The following IL15RA variants were observed in gnomAD, a reference collection of about 807,000 sequenced individuals.
IL15RA encodes the protein interleukin-15 receptor subunit alpha.
Under a neutral mutation model 24.2 loss-of-function variants are expected in IL15RA, and 26 were observed. The observed-to-expected ratio is 1.07, with a 90% CI of 0.79 to 1.49. The LOEUF (loss-of-function observed/expected upper bound fraction) is 1.49. Ranked by LOEUF, IL15RA falls within the 40% of genes most tolerant of loss-of-function variation. IL15RA has a pLI of 0.00. For synonymous variants in IL15RA, 166 were observed against 157.6 expected (o/e 1.05, Z -0.40); for missense variants, 354 against 356.4 (o/e 0.99, Z 0.05).
In IL15RA at chr10:5,971,192, T is replaced by C. The variant is rs1454859687; in HGVS notation, c.89-4853A>G. 6.6e-6 allele frequency among the ~76,000 whole-genome samples: 1 copy of C among 152,228 alleles called. No homozygotes were observed. The highest frequency in any genetic ancestry group is 6.5e-5 in the Admixed American group (1 of 15,278). The stretch of plus-strand genomic sequence containing the variant: ...AGATGGTATGTATATTTCACAGTTC[T>C]GTGGTACTCTCACTTTCCTACGGCT... On this transcript the variant is annotated intron_variant, in intron 1 of 6. Coordinates refer to ENST00000379977, the MANE Select transcript of IL15RA (RefSeq NM_002189.4). The surrounding 1 kb of genome is among the most constrained non-coding windows in gnomAD (Gnocchi z 5.5).
rs1436619530 is a variant in IL15RA, at chr10:5,968,161, T to C, written c.89-1822A>G. Among the ~76,000 whole-genome samples the C allele has an allele frequency of 6.6e-6, 1 of 151,964 alleles. No individual in the cohort carries two copies. Among genetic ancestry groups the C allele is most frequent in the Non-Finnish European group, 1.5e-5 (1 of 68,012 alleles). ...AACCTTAGCACGGAGAGAATTCTTATAAAAATCAACACAAGACAAATACCC... is the reference window on the plus strand; with the variant it reads ...AACCTTAGCACGGAGAGAATTCTTACAAAAATCAACACAAGACAAATACCC... On this transcript the variant is annotated intron_variant, in intron 1 of 6. Transcript: ENST00000379977. This position sits in a 1 kb window ranked among gnomAD's most constrained non-coding sequence, Gnocchi z 5.4.
At position 5,963,880 on chromosome 10, in the gene IL15RA, G is replaced by A. The variant is rs759899300; in HGVS notation, c.284-39C>T. ...AACCACATGGCACTTATGATCCTGA[G>A]CCTGGAACCTGGGCTGGCTTCAGAA... On this transcript the variant is annotated intron_variant, in intron 2 of 6. Transcript: ENST00000379977. The surrounding 1 kb of genome is among the most constrained non-coding windows in gnomAD (Gnocchi z 5.3). 13 of 1,350,364 alleles carry A rather than the reference G, an allele frequency of 9.6e-6. No homozygotes were observed. Among genetic ancestry groups the A allele is most frequent in the Non-Finnish European group, 1.3e-5 (13 of 984,918 alleles). The allele number at this position is 1,350,364 out of a possible 1,614,324, so 83.6% of individuals were successfully genotyped here. A position where few individuals can be genotyped will look rare whatever the true frequency, so the allele number is the denominator to read the frequency against.
Position 5,966,399 on chromosome 10 carries a change from C to T in IL15RA, c.89-60G>A, listed in dbSNP as rs1836547011. The T allele has an allele frequency of 1.4e-6, 2 of 1,415,610 alleles. No individual in the cohort carries two copies. The highest frequency in any genetic ancestry group is 2.0e-6 in the Non-Finnish European group (2 of 1,011,164). 87.7% of individuals were successfully genotyped at this position (1,415,610 alleles called of 1,614,324 possible). On this transcript the variant is annotated intron_variant, in intron 1 of 6. Coordinates refer to ENST00000379977, the MANE Select transcript of IL15RA (RefSeq NM_002189.4). This position sits in a 1 kb window ranked among gnomAD's most constrained non-coding sequence, Gnocchi z 6.4. The stretch of plus-strand genomic sequence containing the variant: ...GGTTTCCACTTGTAAGAGGCGTTCT[C>T]CAGGCACACGCAGCGGTAGTCAGTG...
Position 5,952,946 on chromosome 10 carries a change from C to T in IL15RA, c.*149G>A, listed in dbSNP as rs1187344378. 7 of 661,590 alleles carry T rather than the reference C, an allele frequency of 1.1e-5. No individual in the cohort carries two copies. The highest frequency in any genetic ancestry group is 3.8e-5 in the South Asian group (2 of 53,206). 41.0% of individuals were successfully genotyped at this position (661,590 alleles called of 1,614,324 possible). On this transcript the variant is annotated 3_prime_UTR_variant, in exon 7 of 7. Coordinates refer to ENST00000379977, the MANE Select transcript of IL15RA (RefSeq NM_002189.4). ...CTCCCTCGCGCAGGAGGCGCCGACC[C>T]GGCAGTCCGTGAGATCCTGCTGGGA... is the stretch of plus-strand genomic sequence containing the variant.
Position 5,959,622 on chromosome 10 carries a change from G to A in IL15RA, c.616+132C>T. Reference sequence around the variant, plus strand: ...CTATTACTTAACTTATTATCTGATGGAGGCCTTCTGAGTGTGGAAGGGGCT... The same window carrying A: ...CTATTACTTAACTTATTATCTGATGAAGGCCTTCTGAGTGTGGAAGGGGCT... On this transcript the variant is annotated intron_variant, in intron 5 of 6. Transcript: ENST00000379977. The surrounding 1 kb of genome is among the most constrained non-coding windows in gnomAD (Gnocchi z 4.1). 5.4e-6 allele frequency: 4 copies of A among 747,032 alleles called. No homozygotes were observed. In the South Asian group the frequency reaches 5.9e-5, roughly 11 times the overall value. 46.3% of individuals were successfully genotyped at this position (747,032 alleles called of 1,614,324 possible).
chr10:5,954,284 T>C (rs1834212893), intron 6 of IL15RA, among the ~76,000 whole-genome samples: 1 of 151,898 alleles, frequency 6.6e-6, no homozygotes, highest in South Asian at 2.1e-4. Context: ...AGCTAACTTT[T>C]TGTATTTTTT....
At chr10:5,977,243 G>C (rs1322845490) in intron 1 of IL15RA, 162 bp downstream of exon 1, 1 of 371,036 alleles carries the variant, frequency 2.7e-6, no homozygotes, top group Non-Finnish European at 4.8e-6. Flanking sequence ...CCTCCTGCCC[G>C]GCGCCGCGTC....
In IL15RA at chr10:5,959,696, C is replaced by T. The variant is rs1472892275; in HGVS notation, c.616+58G>A. 2 of 1,539,876 alleles carry T rather than the reference C, an allele frequency of 1.3e-6. No homozygotes were observed. Among genetic ancestry groups the T allele is most frequent in the South Asian group, 2.2e-5 (2 of 89,454 alleles). On this transcript the variant is annotated intron_variant, in intron 5 of 6. Transcript: ENST00000379977. This position sits in a 1 kb window ranked among gnomAD's most constrained non-coding sequence, Gnocchi z 4.1. The stretch of plus-strand genomic sequence containing the variant: ...GCGGGCCTGGGCCAGGACCACCCAG[C>T]ACCCTGGGACTGCGGTCACCCTGAT...
chr10:5,977,332 C>T (rs1430881722), intron 1 of IL15RA, 73 bp downstream of exon 1: 1 of 715,222 alleles, frequency 1.4e-6, no homozygotes, highest in Non-Finnish European at 2.0e-6. Context: ...GATGGGGCGC[C>T]CGGTTCCCTC....
rs577388732 is a variant in IL15RA at position 5,962,046 on chromosome 10, T to A, written c.383-1479A>T. On this transcript the variant is annotated intron_variant, in intron 3 of 6. Coordinates refer to ENST00000379977, the MANE Select transcript of IL15RA (RefSeq NM_002189.4). The surrounding 1 kb of genome is among the most constrained non-coding windows in gnomAD (Gnocchi z 5.2). Reference sequence around the variant, plus strand: ...CACATCGGGGCTTCTGACTGCACCATTGTGTCTCGACAATGGCCATCGGAC... The same window carrying A: ...CACATCGGGGCTTCTGACTGCACCAATGTGTCTCGACAATGGCCATCGGAC... Among the ~76,000 whole-genome samples the A allele has an allele frequency of 3.9e-4, 60 of 152,244 alleles. No homozygotes were observed. Among genetic ancestry groups the A allele is most frequent in the Middle Eastern group, 3.4e-3 (1 of 294 alleles).
At chr10:5,956,957 ATTTTTTT>A (rs767909938) in intron 5 of IL15RA, among the ~76,000 whole-genome samples, 1 of 127,680 alleles carries the variant, frequency 7.8e-6, no homozygotes, top group Non-Finnish European at 1.6e-5. Flanking sequence ...TTCACTTGCA[ATTTTTTT>A]TTTTTTTTTT....
rs970841426 is a variant in IL15RA, at chr10:5,966,781, G to T, written c.89-442C>A. Among the ~76,000 whole-genome samples the T allele has an allele frequency of 6.6e-6, 1 of 152,084 alleles. No homozygotes were observed. The highest frequency in any genetic ancestry group is 1.5e-5 in the Non-Finnish European group (1 of 68,020). ...CTTTAGAAATGCATCTTTGAGCCTGGCCAACATGGTGACACCCCATCTTTA... is the reference window on the plus strand; with the variant it reads ...CTTTAGAAATGCATCTTTGAGCCTGTCCAACATGGTGACACCCCATCTTTA... On this transcript the variant is annotated intron_variant, in intron 1 of 6. Coordinates refer to ENST00000379977, the MANE Select transcript of IL15RA (RefSeq NM_002189.4). This position sits in a 1 kb window ranked among gnomAD's most constrained non-coding sequence, Gnocchi z 6.4.
At chr10:5,969,299 T>C in intron 1 of IL15RA, among the ~76,000 whole-genome samples, 1 of 149,936 alleles carries the variant, frequency 6.7e-6, no homozygotes, top group East Asian at 1.9e-4. Context: ...AATTTTTAAA[T>C]TAAATTTTTT....
rs1245805668 is a variant in IL15RA, at chr10:5,962,153, T to C, written c.383-1586A>G. Reference sequence around the variant, plus strand: ...TTGGGTGAACCAGGTGTGACTCAGATCAAAGGGGTTGTAGAATTACTTCAA... The same window carrying C: ...TTGGGTGAACCAGGTGTGACTCAGACCAAAGGGGTTGTAGAATTACTTCAA... On this transcript the variant is annotated intron_variant, in intron 3 of 6. Transcript: ENST00000379977. The surrounding 1 kb of genome is among the most constrained non-coding windows in gnomAD (Gnocchi z 5.2). Among the ~76,000 whole-genome samples the C allele has an allele frequency of 6.6e-6, 1 of 152,154 alleles. No homozygotes were observed. The highest frequency in any genetic ancestry group is 1.5e-5 in the Non-Finnish European group (1 of 68,032).
Position 5,959,190 on chromosome 10 carries a change from G to C in IL15RA, c.616+564C>G, listed in dbSNP as rs1005240963. ...TTTTTCTTTTTTTTTTTTTTTAATA[G>C]AGATGGGGTCTTGCTATGTTGACCA... On this transcript the variant is annotated intron_variant, in intron 5 of 6. Transcript: ENST00000379977. This position sits in a 1 kb window ranked among gnomAD's most constrained non-coding sequence, Gnocchi z 4.1. Among the ~76,000 whole-genome samples the C allele has an allele frequency of 7.0e-6, 1 of 142,162 alleles. No individual in the cohort carries two copies. Among genetic ancestry groups the C allele is most frequent in the Non-Finnish European group, 1.5e-5 (1 of 65,846 alleles). 93.3% of individuals were successfully genotyped at this position (142,162 alleles called of 152,430 possible).
rs893599447 is a variant in IL15RA, at chr10:5,961,276, T to A, written c.383-709A>T. Reference sequence around the variant, plus strand: ...AAATTATCCAGGTGTGGTGGGCATGTGCCTATAGTTCCAGCTATCTGAGAG... The same window carrying A: ...AAATTATCCAGGTGTGGTGGGCATGAGCCTATAGTTCCAGCTATCTGAGAG... On this transcript the variant is annotated intron_variant, in intron 3 of 6. Coordinates refer to ENST00000379977, the MANE Select transcript of IL15RA (RefSeq NM_002189.4). The surrounding 1 kb of genome is among the most constrained non-coding windows in gnomAD (Gnocchi z 5.2). 6.6e-6 allele frequency among the ~76,000 whole-genome samples: 1 copy of A among 152,150 alleles called. No homozygotes were observed. The highest frequency in any genetic ancestry group is 1.5e-5 in the Non-Finnish European group (1 of 68,022).
chr10:5,967,243 T>C lies in IL15RA; in HGVS notation c.89-904A>G, dbSNP rs1219098508. ...TTTTTTGAGACGGAGTTTCACTCTG[T>C]CACCAGGCTGGAGTGCAGTGGCACG... On this transcript the variant is annotated intron_variant, in intron 1 of 6. Transcript: ENST00000379977. This position sits in a 1 kb window ranked among gnomAD's most constrained non-coding sequence, Gnocchi z 4.4. Among the ~76,000 whole-genome samples, 5 of 152,204 alleles carry C rather than the reference T, an allele frequency of 3.3e-5. No homozygotes were observed. Among genetic ancestry groups the C allele is most frequent in the Middle Eastern group, 3.4e-3 (1 of 294 alleles).
At chr10:5,951,952 G>C (rs541405274), downstream of IL15RA, among the ~76,000 whole-genome samples, 3 of 152,112 alleles carry the variant, frequency 2.0e-5, no homozygotes, top group Non-Finnish European at 2.9e-5. Context: ...GAGTCACTGC[G>C]CCCAGTGTCC....
chr10:5,975,356 T>C lies in IL15RA; in HGVS notation c.88+2049A>G, dbSNP rs1436348892. Among the ~76,000 whole-genome samples the C allele has an allele frequency of 1.3e-5, 2 of 152,194 alleles. No individual in the cohort carries two copies. Among genetic ancestry groups the C allele is most frequent in the Non-Finnish European group, 2.9e-5 (2 of 68,036 alleles). ...CAAGAAAGAGTTCCTACCGTGTAAT[T>C]CTATTTATAAAAAATTTTAGAAAGT... is the stretch of plus-strand genomic sequence containing the variant. On this transcript the variant is annotated intron_variant, in intron 1 of 6. Transcript: ENST00000379977. This position sits in a 1 kb window ranked among gnomAD's most constrained non-coding sequence, Gnocchi z 4.8.
Sources: allele counts gnomAD v4.1 joint callset (sites outside exome capture counted in the v4.1 genomes callset), GRCh38; gene constraint gnomAD v4.1.1; non-coding constraint Gnocchi (gnomAD v3.1); transcripts MANE v1.5; gene names NCBI Gene and HGNC (gene_info 2026-07-23, HGNC 2026-07-21).